Variants in UBE2E1 observed in about 807,000 individuals in gnomAD.
The protein encoded by UBE2E1 is ubiquitin-conjugating enzyme E2 E1.
A neutral mutation model predicts 21.4 loss-of-function variants in UBE2E1; 6 were observed. The ratio of observed to expected loss-of-function variants is 0.28; its 90% CI spans 0.15 to 0.55. The LOEUF is 0.55. Ranked by LOEUF, UBE2E1 falls within the 20% of genes least tolerant of loss-of-function variation. The pLI is 0.93. For synonymous variants in UBE2E1, 87 were observed against 82.7 expected, an observed-to-expected ratio of 1.05 and a Z score of -0.28; for missense variants, 142 against 236.5, an observed-to-expected ratio of 0.60 and a Z score of 2.62.
intron 3 of UBE2E1, among the ~76,000 whole-genome samples, chr3:23,886,421 C>T (rs1367539964): frequency 1.3e-5 from 2 of 152,072 alleles, no homozygotes; most frequent in African/African-American, 2.4e-5. Context: ...CAGTTTGGGC[C>T]CTGTTCTTCC....
At chr3:23,834,311 C>CA (rs1699932553) in intron 3 of UBE2E1, among the ~76,000 whole-genome samples, 1 of 152,192 alleles carries the variant, frequency 6.6e-6, no homozygotes, top group South Asian at 2.1e-4. Context: ...ATCTATAAAT[C>CA]AGAGCTAATA....
At chr3:23,830,680 G>A (rs1699849160) in intron 3 of UBE2E1, among the ~76,000 whole-genome samples, 1 of 152,224 alleles carries the variant, frequency 6.6e-6, no homozygotes, top group African/African-American at 2.4e-5. Flanking sequence ...TCACCTGGAT[G>A]TGGAAACTGT....
intron 3 of UBE2E1, among the ~76,000 whole-genome samples, chr3:23,886,132 C>T (rs1701177745): frequency 6.6e-6 from 1 of 152,040 alleles, no homozygotes; most frequent in South Asian, 2.1e-4. Flanking sequence ...GCCTAGAAGT[C>T]AAGGCTACAG....
At chr3:23,807,504 A>C in intron 2 of UBE2E1, 83 bp downstream of exon 2, 1 of 1,525,050 alleles carries the variant, frequency 6.6e-7, no homozygotes. Flanking sequence ...CAATGAGGAT[A>C]GCTTAAACGC....
At chr3:23,818,662 C>A (rs1699578823) in intron 3 of UBE2E1, among the ~76,000 whole-genome samples, 1 of 152,160 alleles carries the variant, frequency 6.6e-6, no homozygotes, top group South Asian at 2.1e-4. Flanking sequence ...TAGCTTTGCA[C>A]ACATTGAATC....
At chr3:23,813,511 T>C (rs140804514) in intron 3 of UBE2E1, among the ~76,000 whole-genome samples, 1 of 152,260 alleles carries the variant, frequency 6.6e-6, no homozygotes, top group East Asian at 1.9e-4. Context: ...ATGTACTTTA[T>C]TGGAGATAAA....
chr3:23,844,611 T>C (rs916370400), intron 3 of UBE2E1, among the ~76,000 whole-genome samples: 3 of 152,212 alleles, frequency 2.0e-5, no homozygotes, highest in Non-Finnish European at 4.4e-5. Flanking sequence ...ACTTAAGTTG[T>C]ACCAGATTGT....
intron 3 of UBE2E1, among the ~76,000 whole-genome samples, chr3:23,841,335 T>C (rs1377940955): frequency 6.6e-6 from 1 of 152,142 alleles, no homozygotes; most frequent in Non-Finnish European, 1.5e-5. Flanking sequence ...AGCTGAACTG[T>C]GTCATTAGAA....
At chr3:23,827,193 C>CA (rs553517552) in intron 3 of UBE2E1, among the ~76,000 whole-genome samples, 70 of 148,134 alleles carry the variant, frequency 4.7e-4, no homozygotes, top group Middle Eastern at 6.9e-3. Context: ...AATCAAAATA[C>CA]AAAAAAAAAA....
At chr3:23,824,163 A>G (rs1699703449) in intron 3 of UBE2E1, among the ~76,000 whole-genome samples, 1 of 152,212 alleles carries the variant, frequency 6.6e-6, no homozygotes, top group South Asian at 2.1e-4. Context: ...CTGTATTGGG[A>G]GGAAATTCTA....
chr3:23,811,365 C>G (rs1197787733), intron 2 of UBE2E1, 95 bp from the exon 3 acceptor site: 1 of 1,162,268 alleles, frequency 8.6e-7, no homozygotes, highest in Non-Finnish European at 1.3e-6. Context: ...CCAGTGATCG[C>G]GCTTAGGTTT....
At chr3:23,871,818 G>T (rs1302541043) in intron 3 of UBE2E1, among the ~76,000 whole-genome samples, 1 of 150,988 alleles carries the variant, frequency 6.6e-6, no homozygotes, top group Non-Finnish European at 1.5e-5. Context: ...ATGGGATGGC[G>T]GCCGGGAAGA....
Position 23,810,356 on chromosome 3 carries a change from C to G in UBE2E1, c.153-1104C>G. ...GACAAAGGCCAGGGCTTGGTGTGAA[C>G]TGCCTGGTGGCTTCGGCCTATGAGT... On this transcript the variant is annotated intron_variant, in intron 2 of 5. Transcript: ENST00000306627. The surrounding 1 kb of genome is among the most constrained non-coding windows in gnomAD (Gnocchi z 5.8). The G allele has an allele frequency of 3.6e-6, 5 of 1,393,690 alleles. No homozygotes were observed. Among genetic ancestry groups the G allele is most frequent in the Non-Finnish European group, 4.9e-6 (5 of 1,019,966 alleles). 86.3% of individuals were successfully genotyped at this position (1,393,690 alleles called of 1,614,324 possible). A position where few individuals can be genotyped will look rare whatever the true frequency, so the allele number is the denominator to read the frequency against.
At chr3:23,854,984 AT>A (rs1700404674) in intron 3 of UBE2E1, among the ~76,000 whole-genome samples, 1 of 152,198 alleles carries the variant, frequency 6.6e-6, no homozygotes. Flanking sequence ...CTCAAGTGTA[AT>A]TTTTTATTAC....
intron 3 of UBE2E1, among the ~76,000 whole-genome samples, chr3:23,886,009 C>T (rs532846966): frequency 1.2e-4 from 18 of 151,872 alleles, no homozygotes; most frequent in African/African-American, 4.1e-4. Flanking sequence ...CCAGCCTGGG[C>T]AACATAGAGA....
At chr3:23,882,843 AAGTCCACGCCC>A (rs1667581045) in intron 3 of UBE2E1, among the ~76,000 whole-genome samples, 2 of 152,168 alleles carry the variant, frequency 1.3e-5, no homozygotes, top group African/African-American at 4.8e-5. Flanking sequence ...CGGGGCTGCC[AAGTCCACGCCC>A]ACCCGGAACT....
intron 5 of UBE2E1, among the ~76,000 whole-genome samples, chr3:23,890,158 A>C (rs973646312): frequency 6.6e-6 from 1 of 152,198 alleles, no homozygotes; most frequent in African/African-American, 2.4e-5. Context: ...ACATGAACAC[A>C]GCTGGATGTT....
intron 3 of UBE2E1, among the ~76,000 whole-genome samples, chr3:23,878,617 G>C (rs554433308): frequency 2.6e-5 from 4 of 152,308 alleles, no homozygotes; most frequent in African/African-American, 7.2e-5. Flanking sequence ...TGTCAGCTCA[G>C]ATCAGCAATG....
intron 3 of UBE2E1, among the ~76,000 whole-genome samples, chr3:23,833,974 G>A (rs1487195603): frequency 6.6e-6 from 1 of 151,048 alleles, no homozygotes; most frequent in Non-Finnish European, 1.5e-5. Context: ...CTCCAGCCCT[G>A]TCTCAAAAAA....
Sources: allele counts gnomAD v4.1 joint callset (sites outside exome capture counted in the v4.1 genomes callset), GRCh38; gene constraint gnomAD v4.1.1; non-coding constraint Gnocchi (gnomAD v3.1); transcripts MANE v1.5; gene names NCBI Gene and HGNC (gene_info 2026-07-23, HGNC 2026-07-21).